WWOX: variants seen among roughly 807,000 people sequenced by gnomAD.
WWOX encodes WW domain containing oxidoreductase.
A neutral mutation model predicts 46.2 loss-of-function variants in WWOX; 69 were observed. The ratio of observed to expected loss-of-function variants is 1.49; its 90% confidence interval spans 1.23 to 1.82. WWOX has a LOEUF of 1.82. Ranked by LOEUF, WWOX falls within the 40% of genes most tolerant of loss-of-function variation. The pLI is 0.00. For synonymous variants in WWOX, 359 were observed against 202.6 expected (o/e 1.77, Z -6.56); for missense variants, 919 against 542.6 (o/e 1.69, Z -6.89).
At chr16:78,542,018 CAAAA>C (rs548366256) in intron 8 of WWOX, among the ~76,000 whole-genome samples, 384 of 40,594 alleles carry the variant, frequency 9.5e-3, no homozygotes, top group Non-Finnish European at 0.013. Flanking sequence ...CAGAGTATAC[CAAAA>C]AAAAAAAAAA....
chr16:78,516,864 C>T (rs17706689), intron 8 of WWOX, among the ~76,000 whole-genome samples: 5 of 152,224 alleles, frequency 3.3e-5, no homozygotes, highest in African/African-American at 1.2e-4. Context: ...CTGTGTGATT[C>T]TGTCTGCAGT....
intron 6 of WWOX, among the ~76,000 whole-genome samples, chr16:78,421,353 C>G (rs2082925822): frequency 6.6e-6 from 1 of 152,074 alleles, no homozygotes; most frequent in Non-Finnish European, 1.5e-5. Flanking sequence ...TGGCTTTTAT[C>G]TTAGTCAGTC....
At chr16:78,577,627 TA>T (rs1172903580) in intron 8 of WWOX, among the ~76,000 whole-genome samples, 1 of 152,240 alleles carries the variant, frequency 6.6e-6, no homozygotes, top group African/African-American at 2.4e-5. Context: ...CTAAATTATT[TA>T]AATGGGGATG....
At chr16:78,974,108 C>T (rs1203724909) in intron 8 of WWOX, among the ~76,000 whole-genome samples, 2 of 152,220 alleles carry the variant, frequency 1.3e-5, no homozygotes, top group African/African-American at 4.8e-5. Flanking sequence ...GGACTCTCCT[C>T]ATTTCTGCGC....
chr16:79,073,246 C>T (rs1302750186), intron 8 of WWOX, among the ~76,000 whole-genome samples: 4 of 151,694 alleles, frequency 2.6e-5, no homozygotes, highest in African/African-American at 4.8e-5. Flanking sequence ...ATGGCACGAT[C>T]GCAGCTCACT....
At chr16:78,798,208 A>G (rs1272466939) in intron 8 of WWOX, among the ~76,000 whole-genome samples, 1 of 152,296 alleles carries the variant, frequency 6.6e-6, no homozygotes, top group African/African-American at 2.4e-5. Context: ...GCAAGAAAGG[A>G]TAGCCTTGTT....
chr16:78,509,338 G>A (rs576006321), intron 8 of WWOX, among the ~76,000 whole-genome samples: 3 of 151,542 alleles, frequency 2.0e-5, no homozygotes, highest in Admixed American at 6.6e-5. Flanking sequence ...TACTTAGGTA[G>A]CTGAGGCAGG....
chr16:78,344,978 AT>A, intron 5 of WWOX, among the ~76,000 whole-genome samples: 1 of 119,712 alleles, frequency 8.4e-6, no homozygotes, highest in African/African-American at 2.8e-5. Flanking sequence ...GCAAGCTTCC[AT>A]TTTTCCAGGT....
intron 8 of WWOX, among the ~76,000 whole-genome samples, chr16:78,589,191 T>G (rs1448058571): frequency 6.6e-6 from 1 of 152,184 alleles, no homozygotes; most frequent in Non-Finnish European, 1.5e-5. Flanking sequence ...TTGTTTGTTA[T>G]TTTTTAGAGT....
At chr16:78,934,943 T>C (rs1209068315) in intron 8 of WWOX, among the ~76,000 whole-genome samples, 2 of 152,142 alleles carry the variant, frequency 1.3e-5, no homozygotes, top group Non-Finnish European at 2.9e-5. Context: ...CTACAAAGAA[T>C]ACAAACATTA....
chr16:78,811,962 C>T (rs1167003319), intron 8 of WWOX, among the ~76,000 whole-genome samples: 2 of 151,742 alleles, frequency 1.3e-5, no homozygotes, highest in East Asian at 3.9e-4. Flanking sequence ...AAGAATTGTG[C>T]CAGACATGTA....
intron 8 of WWOX, among the ~76,000 whole-genome samples, chr16:79,115,185 C>T (rs1363846982): frequency 2.0e-5 from 3 of 152,146 alleles, no homozygotes; most frequent in African/African-American, 7.2e-5. Flanking sequence ...GCCATGGATT[C>T]AAATGGGGTT....
chr16:78,866,561 A>T lies in WWOX; in HGVS notation c.1057-345047A>T, dbSNP rs138590628. ...GATAAAAGCTAATGTACCACACGAA[A>T]TTGGAAGGGGAACAAAATCACTTAA... On this transcript the variant is annotated intron_variant, in intron 8 of 8. Transcript: ENST00000566780. 3.6e-3 allele frequency among the ~76,000 whole-genome samples: 551 copies of T among 152,262 alleles called. 5 individuals carry two copies. Among genetic ancestry groups the T allele is most frequent in the African/African-American group, 0.013 (526 of 41,544 alleles).
At chr16:78,262,942 G>A (rs914557062) in intron 5 of WWOX, among the ~76,000 whole-genome samples, 2 of 152,172 alleles carry the variant, frequency 1.3e-5, no homozygotes, top group Non-Finnish European at 2.9e-5. Context: ...AAACAACAAG[G>A]AGAGACAAAA....
intron 8 of WWOX, among the ~76,000 whole-genome samples, chr16:78,909,980 C>G (rs577354438): frequency 6.6e-6 from 1 of 152,186 alleles, no homozygotes; most frequent in African/African-American, 2.4e-5. Context: ...GCAATTCCAC[C>G]TATATTTTGA....
At chr16:78,916,174 C>T (rs897082268) in intron 8 of WWOX, among the ~76,000 whole-genome samples, 3 of 152,156 alleles carry the variant, frequency 2.0e-5, no homozygotes, top group East Asian at 1.9e-4. Flanking sequence ...ATCCTAAACA[C>T]GCTGCACAAG....
rs559238178 is a variant in WWOX at position 78,547,278 on chromosome 16, C to G, written c.1056+114526C>G. On this transcript the variant is annotated intron_variant, in intron 8 of 8. Transcript: ENST00000566780. ...AACAAATGCTTTGCGTACATCAGCT[C>G]TTTCAAATTAATACAATTCTACTAG... Among the ~76,000 whole-genome samples, 12 of 151,978 alleles carry G rather than the reference C, an allele frequency of 7.9e-5. No individual in the cohort carries two copies. In the South Asian group the frequency reaches 1.3e-3, roughly 16 times the overall value.
intron 8 of WWOX, among the ~76,000 whole-genome samples, chr16:79,139,206 G>C (rs1352638899): frequency 3.3e-5 from 5 of 152,212 alleles, no homozygotes; most frequent in African/African-American, 1.2e-4. Context: ...TGCCTCCTAA[G>C]AGGGCAAATA....
chr16:78,874,562 A>T (rs2151206642), intron 8 of WWOX, among the ~76,000 whole-genome samples: 1 of 152,218 alleles, frequency 6.6e-6, no homozygotes, highest in Non-Finnish European at 1.5e-5. Context: ...TTCATGGCAA[A>T]AGATGTCTGG....
Sources: allele counts gnomAD v4.1 joint callset (sites outside exome capture counted in the v4.1 genomes callset), GRCh38; gene constraint gnomAD v4.1.1; transcripts MANE v1.5; gene names NCBI Gene and HGNC (gene_info 2026-07-23, HGNC 2026-07-21).